ATP8A1: variants seen among roughly 807,000 people sequenced by gnomAD.
ATP8A1 encodes the protein ATPase phospholipid transporting 8A1.
ATP8A1 carries 90 observed loss-of-function variants against 177.7 expected under a neutral mutation model. The ratio of observed to expected loss-of-function variants is 0.51; its 90% CI spans 0.43 to 0.60. The LOEUF is 0.60. Ranked by LOEUF, ATP8A1 falls within the 20% of genes least tolerant of loss-of-function variation. The pLI is 0.00. For missense variants in ATP8A1, 1,072 were observed against 1,392.8 expected (o/e 0.77, Z 3.67); for synonymous variants, 493 against 485.9 (o/e 1.01, Z -0.19).
intron 11 of ATP8A1, among the ~76,000 whole-genome samples, chr4:42,578,623 G>C (rs963800919): frequency 2.6e-5 from 4 of 152,100 alleles, no homozygotes; most frequent in Non-Finnish European, 5.9e-5. Flanking sequence ...ACAGTGAAAG[G>C]ACTGTCAAAT....
At chr4:42,537,623 T>A (rs1727982754) in intron 20 of ATP8A1, among the ~76,000 whole-genome samples, 1 of 152,040 alleles carries the variant, frequency 6.6e-6, no homozygotes, top group Non-Finnish European at 1.5e-5. Flanking sequence ...ACACCAACAG[T>A]GACCAAGCTG....
rs922173779 is a variant in ATP8A1, at chr4:42,411,993, G to A, written c.*923C>T. The stretch of plus-strand genomic sequence containing the variant: ...AATCCCACGTAAATACGTAGCATAT[G>A]TTTCTTAAGAGGAAAAACTTTAAGA... On this transcript the variant is annotated 3_prime_UTR_variant, in exon 37 of 37. Coordinates refer to ENST00000381668, the MANE Select transcript of ATP8A1 (RefSeq NM_006095.2). 2 of 152,174 alleles carry A rather than the reference G, an allele frequency of 1.3e-5. No individual in the cohort carries two copies. Among genetic ancestry groups the A allele is most frequent in the Non-Finnish European group, 2.9e-5 (2 of 68,026 alleles). The allele number at this position is 152,174 out of a possible 1,614,324, so 9.4% of individuals were successfully genotyped here.
intron 5 of ATP8A1, among the ~76,000 whole-genome samples, chr4:42,603,616 G>A (rs139242706): frequency 6.6e-6 from 1 of 152,190 alleles, no homozygotes; most frequent in East Asian, 1.9e-4. Flanking sequence ...AAATGCCTTT[G>A]AAACTCTGGA....
At chr4:42,493,109 G>A (rs1158662512) in intron 24 of ATP8A1, among the ~76,000 whole-genome samples, 1 of 152,168 alleles carries the variant, frequency 6.6e-6, no homozygotes, top group Non-Finnish European at 1.5e-5. Context: ...CAAACGTGCA[G>A]TCATAAAAAA....
chr4:42,464,548 C>T (rs1018367216), intron 27 of ATP8A1, 142 bp downstream of exon 27: 1 of 551,468 alleles, frequency 1.8e-6, no homozygotes, highest in Non-Finnish European at 3.2e-6. Context: ...TACAGGCCAC[C>T]TTTTTGTTTT....
chr4:42,443,994 C>T (rs1053565202), intron 32 of ATP8A1, among the ~76,000 whole-genome samples: 2 of 152,112 alleles, frequency 1.3e-5, no homozygotes, highest in South Asian at 2.1e-4. Flanking sequence ...ATGCTCTCAC[C>T]GAAACATGTC....
At chr4:42,621,255 A>G (rs1737437225) in intron 4 of ATP8A1, among the ~76,000 whole-genome samples, 1 of 152,236 alleles carries the variant, frequency 6.6e-6, no homozygotes, top group African/African-American at 2.4e-5. Flanking sequence ...CTACTCTTAA[A>G]TACTTGGATG....
intron 14 of ATP8A1, among the ~76,000 whole-genome samples, chr4:42,570,897 G>A (rs1445973658): frequency 6.6e-6 from 1 of 152,142 alleles, no homozygotes; most frequent in Admixed American, 6.5e-5. Flanking sequence ...GCCTCACATA[G>A]ACCTCTATAC....
At chr4:42,477,585 C>G (rs1482034791) in intron 25 of ATP8A1, among the ~76,000 whole-genome samples, 3 of 152,100 alleles carry the variant, frequency 2.0e-5, no homozygotes, top group African/African-American at 7.2e-5. Context: ...TTCATTGTAG[C>G]AAAGATTTGG....
chr4:42,414,471 C>T (rs1485513681), intron 36 of ATP8A1, among the ~76,000 whole-genome samples, 156 bp downstream of exon 36: 1 of 152,122 alleles, frequency 6.6e-6, no homozygotes, highest in Non-Finnish European at 1.5e-5. Context: ...ATGGTTCTGA[C>T]CAATGGATTT....
chr4:42,517,421 G>A (rs551904651), intron 22 of ATP8A1, among the ~76,000 whole-genome samples: 2 of 152,236 alleles, frequency 1.3e-5, no homozygotes, highest in East Asian at 3.9e-4. Context: ...AGATAAAACA[G>A]GTCAAGTTTG....
intron 16 of ATP8A1, among the ~76,000 whole-genome samples, chr4:42,555,141 T>TCTAC (rs1478430716): frequency 3.9e-5 from 2 of 51,898 alleles, no homozygotes; most frequent in African/African-American, 1.7e-4. Context: ...ATCTATCTAA[T>TCTAC]CTATCTATCT....
chr4:42,529,291 C>T (rs1018300944), intron 20 of ATP8A1, among the ~76,000 whole-genome samples: 1 of 152,208 alleles, frequency 6.6e-6, no homozygotes, highest in Admixed American at 6.5e-5. Context: ...GATTTTGGAG[C>T]AAGGCCCTGC....
chr4:42,492,296 GA>G (rs1003318406), intron 24 of ATP8A1, among the ~76,000 whole-genome samples: 4 of 150,046 alleles, frequency 2.7e-5, no homozygotes, highest in African/African-American at 7.3e-5. Context: ...TCCCAGAAAG[GA>G]AAAAAAAATC....
At chr4:42,514,027 CCTT>C (rs1725271114) in intron 22 of ATP8A1, among the ~76,000 whole-genome samples, 1 of 152,180 alleles carries the variant, frequency 6.6e-6, no homozygotes, top group Non-Finnish European at 1.5e-5. Context: ...AGACCTAACA[CCTT>C]CTTTCCTTTC....
chr4:42,423,740 ACC>A (rs1354353448), intron 33 of ATP8A1, 35 bp from the exon 34 acceptor site: 2 of 1,356,422 alleles, frequency 1.5e-6, no homozygotes, highest in Admixed American at 3.6e-5. Context: ...TTACTTTAAA[ACC>A]AAAAAATACA....
Position 42,445,843 on chromosome 4 carries a change from G to C in ATP8A1, c.2958+740C>G, listed in dbSNP as rs1717155211. ...GCCTTTAATCCCAGCACTTTGGGAG[G>C]CTGAGGTGGGTGGATCACCTGAGGT... is the stretch of plus-strand genomic sequence containing the variant. On this transcript the variant is annotated intron_variant, in intron 31 of 36. Transcript: ENST00000381668. Among the ~76,000 whole-genome samples the C allele has an allele frequency of 1.3e-5, 2 of 152,130 alleles. 1 individual carries two copies. The highest frequency in any genetic ancestry group is 4.1e-4 in the South Asian group (2 of 4,828).
rs541894612 is a variant in ATP8A1, at chr4:42,655,250, C to T, written c.49+1575G>A. ...CCTCAACTATCAGATGGCACTCCAC[C>T]TTCACCAACCTCCAGGAGTGTTGTA... On this transcript the variant is annotated intron_variant, in intron 1 of 36. Transcript: ENST00000381668. Among the ~76,000 whole-genome samples, 11 of 152,364 alleles carry T rather than the reference C, an allele frequency of 7.2e-5. No homozygotes were observed. In the South Asian group the frequency reaches 2.3e-3, roughly 32 times the overall value.
chr4:42,653,514 A>C (rs1741321821), intron 1 of ATP8A1, among the ~76,000 whole-genome samples: 2 of 152,072 alleles, frequency 1.3e-5, no homozygotes, highest in Non-Finnish European at 2.9e-5. Context: ...TCACTGTTCC[A>C]CTCTAATACT....
Sources: gnomAD v4.1 joint callset for allele counts (sites outside exome capture counted in the v4.1 genomes callset) on GRCh38, gnomAD v4.1.1 for gene constraint, MANE v1.5 for transcripts, NCBI Gene and HGNC (gene_info 2026-07-23, HGNC 2026-07-21) for gene names.